DST: variants seen among roughly 807,000 people sequenced by gnomAD.
The protein encoded by DST is bullous pemphigoid antigen.
In DST, 253 loss-of-function variants were observed where a neutral mutation model predicts 875.2. The observed-to-expected ratio is 0.29, with a 90% CI of 0.26 to 0.32. The LOEUF (loss-of-function observed/expected upper bound fraction) is 0.32, where lower values mean the gene tolerates loss of function less well. DST is among the 10% of genes least tolerant of loss of function. DST has a pLI of 1.00. For synonymous variants in DST, 3,124 were observed against 3,197.1 expected, an observed-to-expected ratio of 0.98 and a Z score of 0.77; for missense variants, 8,287 against 9,111.6, an observed-to-expected ratio of 0.91 and a Z score of 3.68.
intron 9 of DST, chr6:56,692,527 C>A: frequency 7.8e-7 from 1 of 1,289,714 alleles, no homozygotes; most frequent in Non-Finnish European, 1.0e-6. Context: ...ACTGCTATAA[C>A]TTTTTGGTGG....
At chr6:56,519,393 C>T (rs764463850) in intron 69 of DST, among the ~76,000 whole-genome samples, 6 of 152,138 alleles carry the variant, frequency 3.9e-5, no homozygotes, top group Non-Finnish European at 5.9e-5. Context: ...AATGCCATGA[C>T]AAGGTCCCCA....
chr6:56,841,888 A>T (rs891271903), intron 4 of DST, among the ~76,000 whole-genome samples: 3 of 152,112 alleles, frequency 2.0e-5, no homozygotes, highest in African/African-American at 7.2e-5. Context: ...TTTAGCCTAA[A>T]ATATCACTGC....
At chr6:56,560,192 A>C in intron 58 of DST, 102 bp downstream of exon 58, 1 of 1,188,762 alleles carries the variant, frequency 8.4e-7, no homozygotes. Context: ...AAGCAAATCC[A>C]AAAATAAGTG....
Position 56,472,042 on chromosome 6 carries a change from G to C in DST, c.22158+17C>G, listed in dbSNP as rs776758128. The C allele has an allele frequency of 6.2e-7, 1 of 1,612,772 alleles. No homozygotes were observed. The highest frequency in any genetic ancestry group is 8.5e-7 in the Non-Finnish European group (1 of 1,178,830). ...GGGCAAATGACAATGTGGTGTTGAG[G>C]GTATGAATTTCCAAACCTCCTCTAG... On this transcript the variant is annotated intron_variant, in intron 94 of 103. Transcript: ENST00000680361.
In DST at chr6:56,645,936, C is replaced by T; in HGVS notation, c.1708G>A (p.Glu570Lys). The change falls in exon 15 of 104, where the codon GAA becomes AAA. Residue 570 changes from glutamate (E) to lysine (K), a missense_variant. Transcript: ENST00000680361. ...LLQGYHPNDI[E>K]KEWGKLIIAM... ...ATAATGAGTTTCCCCCACTCTTTTT[C>T]TATGTCATTTGGATGATAACCTTGA... 3.7e-6 allele frequency: 6 copies of T among 1,613,794 alleles called. No homozygotes were observed. The highest frequency in any genetic ancestry group is 5.1e-6 in the Non-Finnish European group (6 of 1,179,760).
intron 4 of DST, among the ~76,000 whole-genome samples, chr6:56,743,533 C>T (rs974392196): frequency 3.9e-5 from 6 of 152,132 alleles, no homozygotes; most frequent in Non-Finnish European, 5.9e-5. Context: ...CTCCGCTACA[C>T]GAAAGCCTAA....
intron 3 of DST, among the ~76,000 whole-genome samples, chr6:56,895,078 G>C (rs1299391416): frequency 2.0e-5 from 2 of 99,628 alleles, no homozygotes; most frequent in Non-Finnish European, 2.0e-5. Flanking sequence ...CGGGCAGAGG[G>C]GCTCCTCACT....
chr6:56,615,439 G>GC (rs2098604143), intron 36 of DST: 3 of 1,602,870 alleles, frequency 1.9e-6, no homozygotes, highest in Non-Finnish European at 2.6e-6. Flanking sequence ...TGCATATGTA[G>GC]CCGATATCAT....
In DST at chr6:56,636,656, A is replaced by G. The variant is rs781635384; in HGVS notation, c.2965-4T>C. The G allele has an allele frequency of 6.2e-7, 1 of 1,611,872 alleles. No homozygotes were observed. The highest frequency in any genetic ancestry group is 1.7e-5 in the Admixed American group (1 of 60,018). On this transcript the variant is annotated splice_polypyrimidine_tract_variant and splice_region_variant and intron_variant, in intron 22 of 103. Coordinates refer to ENST00000680361, the MANE Select transcript of DST (RefSeq NM_001374736.1). ...TCTGCATTGCCGCTCTGTAGGCCTTAAAGATAAAACAGAGCCATCATAACT... is the reference window on the plus strand; with the variant it reads ...TCTGCATTGCCGCTCTGTAGGCCTTGAAGATAAAACAGAGCCATCATAACT...
intron 5 of DST, among the ~76,000 whole-genome samples, chr6:56,707,690 C>T (rs141174838): frequency 1.3e-5 from 2 of 152,310 alleles, no homozygotes; most frequent in East Asian, 1.9e-4. Context: ...TGATTCTGAA[C>T]ACTTATCTCA....
intron 4 of DST, among the ~76,000 whole-genome samples, chr6:56,801,910 T>C (rs1163339675): frequency 6.6e-6 from 1 of 152,014 alleles, no homozygotes; most frequent in Non-Finnish European, 1.5e-5. Context: ...CCACCACACC[T>C]GGCTAATTTT....
rs767042773 is a variant in DST at position 56,603,392 on chromosome 6, G to A, written c.10970C>T (p.Ala3657Val). 9.3e-6 allele frequency: 15 copies of A among 1,610,386 alleles called. No individual in the cohort carries two copies. Among genetic ancestry groups the A allele is most frequent in the Non-Finnish European group, 1.3e-5 (15 of 1,178,996 alleles). Residue 3657 changes from alanine (A) to valine (V), a missense_variant, in exon 42 of 104, where the codon GCT (alanine) becomes GTT (valine). Transcript: ENST00000680361. ...ETFELGLAPI[A>V]VILRKDMKLA... ...CTTCATATCTTTTCTTAAAATAACA[G>A]CAATTGGAGCTAATCCCAATTCAAA...
chr6:56,941,525 C>T (rs1816593747), intron 2 of DST, among the ~76,000 whole-genome samples: 1 of 152,190 alleles, frequency 6.6e-6, no homozygotes, highest in Non-Finnish European at 1.5e-5. Context: ...CTCTGTCACC[C>T]AGGCTGCAGT....
chr6:56,646,131 C>A lies in DST; in HGVS notation c.1606G>T (p.Glu536Ter). 6.5e-7 allele frequency: 1 copy of A among 1,538,566 alleles called. No homozygotes were observed. Among genetic ancestry groups the A allele is most frequent in the South Asian group, 1.2e-5 (1 of 82,798 alleles). Residue 536 changes from glutamate to a stop codon, truncating the protein, a stop_gained, in exon 14 of 104, where the codon GAG becomes TAG. Transcript: ENST00000680361. LOFTEE classifies it high-confidence loss of function. ...QFKETEIPPK[E>*]TEKSKIKRLY... is the part of the protein sequence containing the mutation. ...CGTTTAATTTTTGATTTTTCTGTCT[C>A]CTTTGGTGGAATTTCTGTTTCTTTA...
intron 64 of DST, 59 bp from the exon 65 acceptor site, chr6:56,530,192 A>C: frequency 1.5e-6 from 2 of 1,345,304 alleles, no homozygotes; most frequent in Non-Finnish European, 2.0e-6. Context: ...TTCAACAAAA[A>C]TCTTCAGTCA....
intron 2 of DST, among the ~76,000 whole-genome samples, chr6:56,942,368 A>C (rs898540291): frequency 6.6e-6 from 1 of 151,950 alleles, no homozygotes; most frequent in Non-Finnish European, 1.5e-5. Context: ...ATTTATTTTC[A>C]ATCTGTCTCT....
At chr6:56,618,470 T>C (rs1443883502) in intron 36 of DST, 1 of 1,614,114 alleles carries the variant, frequency 6.2e-7, no homozygotes, top group Non-Finnish European at 8.5e-7. Flanking sequence ...ATGTTCATGC[T>C]CTTTGATCTG....
At chr6:56,694,646 C>G in intron 9 of DST, among the ~76,000 whole-genome samples, 1 of 152,056 alleles carries the variant, frequency 6.6e-6, no homozygotes, top group South Asian at 2.1e-4. Flanking sequence ...GATCTGCACT[C>G]CCCCAATCCT....
At chr6:56,572,010 A>G in intron 53 of DST, 90 bp downstream of exon 53, 1 of 672,666 alleles carries the variant, frequency 1.5e-6, no homozygotes, top group Non-Finnish European at 2.2e-6. Context: ...AGTTTTCAAA[A>G]TTGTTTCAGT....
Sources: allele counts gnomAD v4.1 joint callset (sites outside exome capture counted in the v4.1 genomes callset), GRCh38; gene constraint gnomAD v4.1.1; transcripts MANE v1.5; gene names NCBI Gene and HGNC (gene_info 2026-07-23, HGNC 2026-07-21).